Variants in IDO2 observed in about 807,000 individuals in gnomAD.
IDO2 encodes indoleamine 2,3-dioxygenase 2.
Under a neutral mutation model 45.1 loss-of-function variants are expected in IDO2, and 46 were observed. The observed-to-expected ratio is 1.02, with a 90% CI of 0.80 to 1.30. The LOEUF is 1.30. Ranked by LOEUF, IDO2 falls within the 50% of genes most tolerant of loss-of-function variation. IDO2 has a pLI of 0.00. For missense variants in IDO2, 544 were observed against 491.8 expected (o/e 1.11, Z -1.00); for synonymous variants, 218 against 184.9 (o/e 1.18, Z -1.45).
chr8:39,990,938 T>G (rs367887763), intron 8 of IDO2, among the ~76,000 whole-genome samples: 8 of 152,176 alleles, frequency 5.3e-5, no homozygotes, highest in East Asian at 1.9e-4. Flanking sequence ...TTTAGGAGGA[T>G]GTGAGAGAGG....
intron 2 of IDO2, among the ~76,000 whole-genome samples, chr8:39,957,215 C>T (rs899312652): frequency 1.1e-4 from 17 of 152,140 alleles, no homozygotes; most frequent in African/African-American, 3.9e-4. Flanking sequence ...CTTCAATCCA[C>T]CTTCATGTAG....
intron 3 of IDO2, among the ~76,000 whole-genome samples, chr8:39,964,954 A>G (rs1378804359): frequency 1.3e-5 from 2 of 152,228 alleles, no homozygotes; most frequent in Non-Finnish European, 2.9e-5. Context: ...TCAGAATAGC[A>G]GAGAAGAGAA....
chr8:39,981,215 C>T lies in IDO2; in HGVS notation c.316-1437C>T, dbSNP rs1808345496. ...TAACTGGGACTACAGGCGCCCACCA[C>T]AACGCCTGGCTAATTTTTATATTTT... On this transcript the variant is annotated intron_variant, in intron 4 of 10. Transcript: ENST00000502986. 5.9e-5 allele frequency among the ~76,000 whole-genome samples: 9 copies of T among 151,536 alleles called. No individual in the cohort carries two copies. The South Asian group carries it at 1.7e-3, about 28-fold the overall frequency.
intron 8 of IDO2, among the ~76,000 whole-genome samples, chr8:39,997,680 C>A (rs535253982): frequency 1.3e-5 from 2 of 152,242 alleles, no homozygotes; most frequent in South Asian, 4.2e-4. Flanking sequence ...AAATAAATAT[C>A]TTTTATGAAA....
At chr8:39,997,282 A>T (rs924930167) in intron 8 of IDO2, among the ~76,000 whole-genome samples, 2 of 152,236 alleles carry the variant, frequency 1.3e-5, no homozygotes, top group African/African-American at 2.4e-5. Flanking sequence ...TCTGACAGTA[A>T]TAAATTGTAA....
chr8:39,971,990 A>C (rs192745320), intron 3 of IDO2, among the ~76,000 whole-genome samples: 186 of 152,110 alleles, frequency 1.2e-3, no homozygotes, highest in South Asian at 0.01. Context: ...TTGTATTTTT[A>C]GTAGAGATGG....
At chr8:39,982,569 G>A in intron 4 of IDO2, 83 bp from the exon 5 acceptor site, 1 of 916,776 alleles carries the variant, frequency 1.1e-6, no homozygotes, top group South Asian at 1.7e-5. Flanking sequence ...CCACAGGATT[G>A]CCGAAATAAA....
chr8:39,978,279 G>C (rs1006889299), intron 3 of IDO2, among the ~76,000 whole-genome samples: 4 of 152,180 alleles, frequency 2.6e-5, no homozygotes, highest in African/African-American at 9.6e-5. Flanking sequence ...CTTCGGACCC[G>C]GGAGGGGACC....
intron 8 of IDO2, among the ~76,000 whole-genome samples, chr8:40,000,004 G>A (rs1436510341): frequency 6.6e-6 from 1 of 152,156 alleles, no homozygotes; most frequent in African/African-American, 2.4e-5. Context: ...CCAAATGCAT[G>A]TCTTACCTAG....
At chr8:39,970,961 T>C (rs1224954095) in intron 3 of IDO2, among the ~76,000 whole-genome samples, 1 of 151,828 alleles carries the variant, frequency 6.6e-6, no homozygotes, top group African/African-American at 2.4e-5. Flanking sequence ...GAGACGGGGT[T>C]TCACCATGTT....
chr8:39,974,794 A>T (rs1348213630), intron 3 of IDO2, among the ~76,000 whole-genome samples: 1 of 152,124 alleles, frequency 6.6e-6, no homozygotes, highest in Non-Finnish European at 1.5e-5. Context: ...GGTGGCACGC[A>T]CCTGTAGTCC....
At chr8:39,983,740 C>G (rs918221154) in intron 5 of IDO2, among the ~76,000 whole-genome samples, 1 of 152,032 alleles carries the variant, frequency 6.6e-6, no homozygotes, top group African/African-American at 2.4e-5. Flanking sequence ...GTGGCACATA[C>G]CTGTAATGCC....
intron 7 of IDO2, among the ~76,000 whole-genome samples, chr8:39,988,800 T>G (rs1263051671): frequency 6.6e-6 from 1 of 152,140 alleles, no homozygotes; most frequent in African/African-American, 2.4e-5. Flanking sequence ...TATAGCGCTT[T>G]CTTTCTCTCT....
chr8:39,950,677 G>T (rs1000634173), intron 2 of IDO2, among the ~76,000 whole-genome samples: 2 of 152,218 alleles, frequency 1.3e-5, no homozygotes, highest in African/African-American at 2.4e-5. Context: ...GCTGTGTCCA[G>T]CTTCCATTGG....
At chr8:39,935,781 T>C (rs778043927) in intron 1 of IDO2, among the ~76,000 whole-genome samples, 5 of 152,298 alleles carry the variant, frequency 3.3e-5, no homozygotes, top group East Asian at 1.9e-4. Flanking sequence ...CATTTGACAA[T>C]GGCACAGTCA....
intron 3 of IDO2, among the ~76,000 whole-genome samples, chr8:39,964,919 T>G (rs1045081269): frequency 2.0e-5 from 3 of 152,086 alleles, no homozygotes; most frequent in South Asian, 2.1e-4. Context: ...CAGAGGGAGA[T>G]CCCCATGAGT....
chr8:40,013,785 T>A, intron 10 of IDO2, 72 bp downstream of exon 10: 1 of 737,546 alleles, frequency 1.4e-6, no homozygotes, highest in Non-Finnish European at 2.0e-6. Context: ...TTTTTCCAAT[T>A]GATAAAACCA....
At chr8:39,956,407 C>A (rs963395991) in intron 2 of IDO2, among the ~76,000 whole-genome samples, 2 of 152,172 alleles carry the variant, frequency 1.3e-5, no homozygotes, top group Non-Finnish European at 2.9e-5. Context: ...AACAGATCAT[C>A]TATCCGTTGA....
intron 10 of IDO2, among the ~76,000 whole-genome samples, chr8:40,014,717 T>C (rs139110114): frequency 2.6e-4 from 39 of 152,352 alleles, no homozygotes; most frequent in African/African-American, 8.9e-4. Context: ...TCTGAGATGT[T>C]CTTACTTTGT....
Sources: allele counts gnomAD v4.1 joint callset (sites outside exome capture counted in the v4.1 genomes callset), GRCh38; gene constraint gnomAD v4.1.1; transcripts MANE v1.5; gene names NCBI Gene and HGNC (gene_info 2026-07-23, HGNC 2026-07-21).